RAP1GAP2: variants seen among roughly 807,000 people sequenced by gnomAD.
RAP1GAP2 encodes rap1 GTPase-activating protein 2.
Under a neutral mutation model 95.0 loss-of-function variants are expected in RAP1GAP2, and 27 were observed. The observed-to-expected ratio is 0.28, with a 90% CI of 0.21 to 0.39. The LOEUF is 0.39. RAP1GAP2 is among the 10% of genes least tolerant of loss of function. RAP1GAP2 has a pLI of 1.00. For synonymous variants in RAP1GAP2, 373 were observed against 380.9 expected, an observed-to-expected ratio of 0.98 and a Z score of 0.24; for missense variants, 771 against 970.0, an observed-to-expected ratio of 0.79 and a Z score of 2.72.
At chr17:3,014,312 T>C (rs1024668108) in intron 17 of RAP1GAP2, among the ~76,000 whole-genome samples, 3 of 152,228 alleles carry the variant, frequency 2.0e-5, no homozygotes, top group Non-Finnish European at 1.5e-5. Flanking sequence ...TTGTAGGTAA[T>C]TGTAACACAA....
rs377083759 is a variant in RAP1GAP2 at position 3,008,270 on chromosome 17, G to A, written c.1494+125G>A. ...GCCAGCTGGAGGGGTGACAGGAAAC[G>A]TATGGGTATCCTAGGTGTTTGCAAA... On this transcript the variant is annotated intron_variant, in intron 17 of 24. Coordinates refer to ENST00000254695, the MANE Select transcript of RAP1GAP2 (RefSeq NM_015085.5). This position sits in a 1 kb window ranked among gnomAD's most constrained non-coding sequence, Gnocchi z 4.2. The A allele has an allele frequency of 8.7e-6, 12 of 1,381,946 alleles. No homozygotes were observed. The highest frequency in any genetic ancestry group is 2.3e-5 in the East Asian group (1 of 43,310). The allele number at this position is 1,381,946 out of a possible 1,614,324, so 85.6% of individuals were successfully genotyped here. A position where few individuals can be genotyped will look rare whatever the true frequency, so the allele number is the denominator to read the frequency against.
intron 2 of RAP1GAP2, chr17:2,853,872 C>T (rs1597443878): frequency 2.1e-6 from 2 of 958,204 alleles, no homozygotes; most frequent in Non-Finnish European, 2.5e-6. Context: ...CTAGGCGGGG[C>T]GGGGCCCATG....
At chr17:2,912,744 C>T (rs2042431110) in intron 3 of RAP1GAP2, among the ~76,000 whole-genome samples, 4 of 152,156 alleles carry the variant, frequency 2.6e-5, no homozygotes, top group Non-Finnish European at 5.9e-5. Context: ...GATACAACCC[C>T]ATCTCCTCAG....
At chr17:2,888,575 T>C (rs1385784330) in intron 2 of RAP1GAP2, among the ~76,000 whole-genome samples, 1 of 152,178 alleles carries the variant, frequency 6.6e-6, no homozygotes, top group Non-Finnish European at 1.5e-5. Flanking sequence ...GTTTTATGCA[T>C]GTCGCCACGA....
intron 2 of RAP1GAP2, among the ~76,000 whole-genome samples, chr17:2,836,341 C>T (rs1567694981): frequency 6.6e-6 from 1 of 151,926 alleles, no homozygotes; most frequent in Non-Finnish European, 1.5e-5. Context: ...GTTTAAGGAA[C>T]CTGGCTTTGG....
intron 2 of RAP1GAP2, among the ~76,000 whole-genome samples, chr17:2,881,785 C>T (rs866246147): frequency 3.3e-5 from 5 of 151,774 alleles, no homozygotes; most frequent in Admixed American, 6.6e-5. Context: ...CTTTTTTTCT[C>T]GATGATGGCC....
intron 2 of RAP1GAP2, among the ~76,000 whole-genome samples, chr17:2,878,465 C>T (rs1397805343): frequency 6.6e-6 from 1 of 152,094 alleles, no homozygotes; most frequent in Non-Finnish European, 1.5e-5. Flanking sequence ...GCTGCGGAAG[C>T]CCCTGTCTGT....
chr17:2,923,471 G>A (rs538543018), intron 3 of RAP1GAP2, among the ~76,000 whole-genome samples: 91 of 151,314 alleles, frequency 6.0e-4, no homozygotes, highest in Non-Finnish European at 9.3e-4. Context: ...TGGGATTACA[G>A]ACGCATACCA....
rs775239584 is a variant in RAP1GAP2 at position 2,984,939 on chromosome 17, A to G, written c.730-44A>G. 4 of 1,604,382 alleles carry G rather than the reference A, an allele frequency of 2.5e-6. No homozygotes were observed. In the South Asian group the frequency reaches 3.4e-5, roughly 13 times the overall value. On this transcript the variant is annotated intron_variant, in intron 10 of 24. Transcript: ENST00000254695. ...CCATGTGCTTCCTCACTTGCTTCCA[A>G]ATTTAACAAATGTTGATTTTTTTTT...
upstream of RAP1GAP2, chr17:2,796,309 T>A (rs2069079588): frequency 3.5e-6 from 2 of 575,566 alleles, no homozygotes; most frequent in Non-Finnish European, 6.2e-6. This position sits in a 1 kb window ranked among gnomAD's most constrained non-coding sequence, Gnocchi z 4.7. Flanking sequence ...CACAACCTCC[T>A]CGGCCTATCT....
At chr17:2,909,596 G>A (rs950920474) in intron 3 of RAP1GAP2, among the ~76,000 whole-genome samples, 17 of 152,220 alleles carry the variant, frequency 1.1e-4, no homozygotes, top group Non-Finnish European at 1.0e-4. Context: ...CCCCTGCTGC[G>A]CTCTCCCATG....
intron 1 of RAP1GAP2, among the ~76,000 whole-genome samples, chr17:2,783,018 A>T (rs1239857839): frequency 6.6e-6 from 1 of 152,190 alleles, no homozygotes; most frequent in Non-Finnish European, 1.5e-5. Context: ...CTCCGTCTCA[A>T]AACAAACAAA....
chr17:2,822,191 A>T (rs2070334057), intron 2 of RAP1GAP2, among the ~76,000 whole-genome samples: 1 of 152,136 alleles, frequency 6.6e-6, no homozygotes. Flanking sequence ...ACGCACACAC[A>T]CACACAGGTA....
intron 8 of RAP1GAP2, among the ~76,000 whole-genome samples, chr17:2,970,286 A>AAT (rs1555582372): frequency 2.0e-5 from 3 of 148,558 alleles, no homozygotes; most frequent in African/African-American, 5.1e-5. Context: ...AAAAAAAAAA[A>AAT]AAAAAAAAAA....
chr17:2,950,774 C>G (rs2043896003), intron 3 of RAP1GAP2, among the ~76,000 whole-genome samples: 1 of 151,950 alleles, frequency 6.6e-6, no homozygotes, highest in African/African-American at 2.4e-5. Flanking sequence ...CCATGCCCAG[C>G]TAATTTTTGT....
At chr17:2,974,620 A>T (rs2045030321) in intron 8 of RAP1GAP2, among the ~76,000 whole-genome samples, 1 of 152,076 alleles carries the variant, frequency 6.6e-6, no homozygotes, top group Non-Finnish European at 1.5e-5. Flanking sequence ...CATGTTTAAA[A>T]GGAGGCTTGA....
chr17:2,872,029 G>A (rs1206912874), intron 2 of RAP1GAP2, among the ~76,000 whole-genome samples: 1 of 151,906 alleles, frequency 6.6e-6, no homozygotes, highest in African/African-American at 2.4e-5. Context: ...TTCGAGACCA[G>A]ACTAGCCAAC....
At chr17:2,856,721 A>G (rs941832715) in intron 2 of RAP1GAP2, among the ~76,000 whole-genome samples, 3 of 152,192 alleles carry the variant, frequency 2.0e-5, no homozygotes, top group South Asian at 4.1e-4. Context: ...CCCCAGGCCC[A>G]TGGAGTCCTT....
At chr17:2,920,895 A>G (rs1401456165) in intron 3 of RAP1GAP2, among the ~76,000 whole-genome samples, 1 of 151,982 alleles carries the variant, frequency 6.6e-6, no homozygotes, top group Non-Finnish European at 1.5e-5. Context: ...ACCCTCTTCC[A>G]TGAGTGTCAT....
Sources: gnomAD v4.1 joint callset for allele counts (sites outside exome capture counted in the v4.1 genomes callset) on GRCh38, gnomAD v4.1.1 for gene constraint, Gnocchi (gnomAD v3.1) non-coding constraint, MANE v1.5 for transcripts, NCBI Gene and HGNC (gene_info 2026-07-23, HGNC 2026-07-21) for gene names.